The following ABL1 variants were observed in gnomAD, a reference collection of about 807,000 sequenced individuals.
ABL1 encodes the protein ABL proto-oncogene 1, non-receptor tyrosine kinase.
Under a neutral mutation model 94.7 loss-of-function variants are expected in ABL1, and 11 were observed. The ratio of observed to expected loss-of-function variants is 0.12; its 90% CI spans 0.07 to 0.19. The LOEUF is 0.19. ABL1 is among the 10% of genes least tolerant of loss of function. The pLI, the probability that ABL1 is intolerant of heterozygous loss-of-function variation, is 1.00. For missense variants in ABL1, 1,082 were observed against 1,489.4 expected, an observed-to-expected ratio of 0.73 and a Z score of 4.50; for synonymous variants, 656 against 622.4, an observed-to-expected ratio of 1.05 and a Z score of -0.80.
chr9:130,744,648 C>T (rs1265636882), intron 1 of ABL1, among the ~76,000 whole-genome samples: 4 of 149,724 alleles, frequency 2.7e-5, no homozygotes, highest in Admixed American at 6.7e-5. Context: ...GTCAGGAGAT[C>T]GAGACCATCC....
chr9:130,738,802 C>T (rs1051521003), intron 1 of ABL1, among the ~76,000 whole-genome samples: 1 of 152,148 alleles, frequency 6.6e-6, no homozygotes, highest in Non-Finnish European at 1.5e-5. Flanking sequence ...GTAGTTATTC[C>T]CTCCCCATTC....
At chr9:130,745,572 A>T (rs1457046974) in intron 1 of ABL1, among the ~76,000 whole-genome samples, 3 of 151,808 alleles carry the variant, frequency 2.0e-5, no homozygotes, top group Non-Finnish European at 4.4e-5. Flanking sequence ...ATAACAGGAA[A>T]TGGAACCTCC....
At chr9:130,794,346 A>C (rs1277599953) in intron 1 of ABL1, among the ~76,000 whole-genome samples, 2 of 152,186 alleles carry the variant, frequency 1.3e-5, no homozygotes, top group African/African-American at 4.8e-5. Context: ...GCCCACATCC[A>C]TAAAGTTAGC....
chr9:130,868,897 G>A (rs1298119504), intron 4 of ABL1, among the ~76,000 whole-genome samples: 2 of 152,190 alleles, frequency 1.3e-5, no homozygotes, highest in Non-Finnish European at 2.9e-5. Flanking sequence ...GCCGGGTGCA[G>A]TGGTTCATGC....
intron 1 of ABL1, among the ~76,000 whole-genome samples, chr9:130,719,018 A>G (rs1831482235): frequency 6.6e-6 from 1 of 152,190 alleles, no homozygotes; most frequent in African/African-American, 2.4e-5. Context: ...ATCATTATTT[A>G]TGGTATGGCC....
intron 1 of ABL1, among the ~76,000 whole-genome samples, chr9:130,740,735 A>G (rs1306260785): frequency 6.6e-6 from 1 of 151,734 alleles, no homozygotes; most frequent in Non-Finnish European, 1.5e-5. Context: ...CGCTCACTTC[A>G]GCCTGTAATT....
rs146014571 is a variant in ABL1 at position 130,796,289 on chromosome 9, G to A, written c.137-57775G>A. ...TATAATCCCAGCATTTTGGGAGGCC[G>A]AGGCAAGTGGATTGCTTGAGCCCAG... On this transcript the variant is annotated intron_variant, in intron 1 of 10. Coordinates refer to the ABL1 transcript ENST00000372348. 7.6e-3 allele frequency among the ~76,000 whole-genome samples: 1,158 copies of A among 152,328 alleles called. 15 individuals are homozygous for A. Among genetic ancestry groups the A allele is most frequent in the African/African-American group, 0.026 (1,088 of 41,568 alleles).
chr9:130,881,715 C>T (rs2855195), intron 10 of ABL1, among the ~76,000 whole-genome samples: 53,524 of 151,844 alleles, frequency 0.35, 13,816 homozygotes, highest in African/African-American at 0.73. Flanking sequence ...TCTGGGTTCA[C>T]AGAGGATCCT....
At chr9:130,823,094 C>T (rs915709114) in intron 1 of ABL1, among the ~76,000 whole-genome samples, 1 of 152,172 alleles carries the variant, frequency 6.6e-6, no homozygotes, top group African/African-American at 2.4e-5. Context: ...CCGTGCCCGG[C>T]CTTCCAAGTT....
At chr9:130,741,135 T>G (rs1831811664) in intron 1 of ABL1, among the ~76,000 whole-genome samples, 1 of 152,102 alleles carries the variant, frequency 6.6e-6, no homozygotes, top group Non-Finnish European at 1.5e-5. Context: ...GCTAGAAGGG[T>G]CCTGGAGGTT....
At chr9:130,744,362 C>T (rs933333407) in intron 1 of ABL1, among the ~76,000 whole-genome samples, 4 of 150,784 alleles carry the variant, frequency 2.7e-5, no homozygotes, top group Middle Eastern at 3.4e-3. Context: ...AGGATGGTCT[C>T]GATCTCTTGA....
intron 8 of ABL1, 130 bp downstream of exon 8, chr9:130,878,697 T>C: frequency 8.8e-7 from 1 of 1,133,086 alleles, no homozygotes; most frequent in Non-Finnish European, 1.3e-6. Context: ...CAGATGCAGC[T>C]AATGTAGCCA....
At chr9:130,773,083 G>T (rs1055598977) in intron 1 of ABL1, among the ~76,000 whole-genome samples, 3 of 152,204 alleles carry the variant, frequency 2.0e-5, no homozygotes, top group African/African-American at 7.2e-5. Flanking sequence ...CACTTTGGGA[G>T]GCCAAGGCGG....
chr9:130,839,066 G>A (rs961119146), intron 1 of ABL1, among the ~76,000 whole-genome samples: 7 of 151,576 alleles, frequency 4.6e-5, no homozygotes, highest in Non-Finnish European at 8.8e-5. Flanking sequence ...TATGCTACCT[G>A]ACTAATTAAA....
In ABL1 at chr9:130,880,703, T is replaced by C. The variant is rs746508159; in HGVS notation, c.1678+39T>C. The C allele has an allele frequency of 1.9e-6, 3 of 1,604,174 alleles. No homozygotes were observed. In the African/African-American group the frequency reaches 4.0e-5, roughly 21 times the overall value. On this transcript the variant is annotated intron_variant, in intron 10 of 10. Coordinates refer to ENST00000318560, the MANE Select transcript of ABL1 (RefSeq NM_005157.6). This position sits in a 1 kb window ranked among gnomAD's most constrained non-coding sequence, Gnocchi z 4.4. ...TTCCCCCAACCCCACTGCTCTTCCC[T>C]TCCCTGCCAGAGGCTACATTCAGGC...
intron 1 of ABL1, among the ~76,000 whole-genome samples, chr9:130,746,213 A>G (rs754408124): frequency 1.5e-4 from 15 of 98,964 alleles, no homozygotes; most frequent in Middle Eastern, 4.2e-3. Context: ...AGTTTCAAGA[A>G]TTTAATGCGT....
intron 1 of ABL1, among the ~76,000 whole-genome samples, chr9:130,849,504 C>G (rs1300770708): frequency 2.0e-5 from 3 of 151,492 alleles, no homozygotes; most frequent in Non-Finnish European, 4.4e-5. Context: ...CACACACTTT[C>G]CATGTTTAAT....
At chr9:130,821,848 T>A (rs1177047156) in intron 1 of ABL1, among the ~76,000 whole-genome samples, 15 of 147,662 alleles carry the variant, frequency 1.0e-4, no homozygotes, top group African/African-American at 3.7e-4. Context: ...TTATTTTTTT[T>A]TTTTTTTTTT....
intron 1 of ABL1, among the ~76,000 whole-genome samples, chr9:130,736,230 A>G (rs551654722): frequency 6.6e-6 from 1 of 152,046 alleles, no homozygotes; most frequent in South Asian, 2.1e-4. Context: ...GATTATAGGC[A>G]TGAGCCACCA....
Sources: allele counts gnomAD v4.1 joint callset (sites outside exome capture counted in the v4.1 genomes callset), GRCh38; gene constraint gnomAD v4.1.1; non-coding constraint Gnocchi (gnomAD v3.1); transcripts MANE v1.5; gene names NCBI Gene and HGNC (gene_info 2026-07-23, HGNC 2026-07-21).